The following RBMS3 variants were observed in gnomAD, a reference collection of about 807,000 sequenced individuals.
The protein encoded by RBMS3 is RNA-binding motif, single-stranded-interacting protein 3.
RBMS3 carries 27 observed loss-of-function variants against 66.8 expected under a neutral mutation model. The ratio of observed to expected loss-of-function variants is 0.40; its 90% confidence interval spans 0.30 to 0.56. The LOEUF (loss-of-function observed/expected upper bound fraction) is 0.56, where lower values mean the gene tolerates loss of function less well. RBMS3 is among the 20% of genes least tolerant of loss of function. The pLI is 0.40. For missense variants in RBMS3, 513 were observed against 549.5 expected (o/e 0.93, Z 0.66); for synonymous variants, 188 against 183.0 (o/e 1.03, Z -0.22).
chr3:29,429,671 G>A (rs968263937), intron 1 of RBMS3, among the ~76,000 whole-genome samples: 1 of 152,146 alleles, frequency 6.6e-6, no homozygotes, highest in Non-Finnish European at 1.5e-5. Flanking sequence ...ACCCCAGACC[G>A]TAAGTACTCT....
In RBMS3 at chr3:29,684,633, T is replaced by A. The variant is rs561142321; in HGVS notation, c.400-55087T>A. On this transcript the variant is annotated intron_variant, in intron 4 of 14. Coordinates refer to ENST00000383767, the MANE Select transcript of RBMS3 (RefSeq NM_001003793.3). ...TAGATAGACATAAAAATTTTCCTTA[T>A]AAGTCCTTGGATATAATTTTACTTT... 3.9e-5 allele frequency among the ~76,000 whole-genome samples: 6 copies of A among 152,340 alleles called. No individual in the cohort carries two copies. The South Asian group carries it at 8.3e-4, about 21-fold the overall frequency.
intron 6 of RBMS3, among the ~76,000 whole-genome samples, chr3:29,866,429 C>A (rs746214673): frequency 6.6e-6 from 1 of 152,136 alleles, no homozygotes; most frequent in African/African-American, 2.4e-5. Context: ...AAATTGGAAC[C>A]AGTTTCTTTA....
intron 10 of RBMS3, among the ~76,000 whole-genome samples, chr3:29,925,468 A>G (rs1256180364): frequency 6.6e-6 from 1 of 152,184 alleles, no homozygotes; most frequent in Non-Finnish European, 1.5e-5. Flanking sequence ...TTATGGGTAA[A>G]GGCAGAAATC....
At position 29,716,658 on chromosome 3, in the gene RBMS3, C is replaced by T. The variant is rs546146202; in HGVS notation, c.400-23062C>T. ...CTTGTTATATATAAGTACAGTAAAA[C>T]GAAACCTTCCCCTTGTGTAGGATAC... On this transcript the variant is annotated intron_variant, in intron 4 of 14. Coordinates refer to ENST00000383767, the MANE Select transcript of RBMS3 (RefSeq NM_001003793.3). Among the ~76,000 whole-genome samples, 200 of 152,196 alleles carry T rather than the reference C, an allele frequency of 1.3e-3. 1 individual carries two copies. Among genetic ancestry groups the T allele is most frequent in the Non-Finnish European group, 2.2e-4 (15 of 67,998 alleles).
intron 1 of RBMS3, among the ~76,000 whole-genome samples, chr3:29,304,632 G>C (rs546586440): frequency 6.6e-6 from 1 of 151,894 alleles, no homozygotes; most frequent in African/African-American, 2.4e-5. Context: ...CAGCAATACC[G>C]CAGCACTCTC....
chr3:29,378,700 C>A (rs897026373), intron 1 of RBMS3, among the ~76,000 whole-genome samples: 1 of 152,060 alleles, frequency 6.6e-6, no homozygotes. Flanking sequence ...TATACATTTT[C>A]TCCTGATATA....
intron 6 of RBMS3, among the ~76,000 whole-genome samples, chr3:29,805,292 A>G (rs1215431030): frequency 6.6e-6 from 1 of 152,202 alleles, no homozygotes; most frequent in East Asian, 1.9e-4. Context: ...AAGTATAGCA[A>G]TACAATTATG....
chr3:29,704,683 T>A (rs1237557485), intron 4 of RBMS3, among the ~76,000 whole-genome samples: 1 of 152,236 alleles, frequency 6.6e-6, no homozygotes, highest in Non-Finnish European at 1.5e-5. Flanking sequence ...TGCAGTTGCA[T>A]TATCATTATT....
At chr3:29,769,207 G>A (rs919719276) in intron 6 of RBMS3, among the ~76,000 whole-genome samples, 4 of 151,756 alleles carry the variant, frequency 2.6e-5, no homozygotes, top group Non-Finnish European at 5.9e-5. Flanking sequence ...AGAAGGACAA[G>A]AAAAAGACAA....
chr3:29,535,710 CTTTTTTTTTTTTTTTTTT>C (rs149022808), intron 3 of RBMS3, among the ~76,000 whole-genome samples: 53 of 39,748 alleles, frequency 1.3e-3, no homozygotes, highest in East Asian at 8.1e-3. Context: ...GATCATTGCT[CTTTTTTTTTTTTTTTTTT>C]TTTTTTTTTT....
At chr3:29,941,015 C>T (rs1055061077) in intron 11 of RBMS3, among the ~76,000 whole-genome samples, 1 of 151,828 alleles carries the variant, frequency 6.6e-6, no homozygotes, top group African/African-American at 2.4e-5. Flanking sequence ...TTTCTTATCT[C>T]CTTTTCATTT....
intron 2 of RBMS3, among the ~76,000 whole-genome samples, chr3:29,447,708 A>G (rs1464871746): frequency 1.3e-5 from 2 of 152,188 alleles, no homozygotes; most frequent in Non-Finnish European, 2.9e-5. Flanking sequence ...TTTGCTCCCA[A>G]TTTGAAAATT....
intron 1 of RBMS3, among the ~76,000 whole-genome samples, chr3:29,397,926 A>G (rs186230837): frequency 2.6e-5 from 4 of 152,304 alleles, no homozygotes; most frequent in Admixed American, 2.6e-4. Flanking sequence ...CCCATCAGTG[A>G]CAGAATAAAT....
intron 1 of RBMS3, among the ~76,000 whole-genome samples, chr3:29,330,842 C>T (rs901652451): frequency 3.9e-5 from 6 of 152,074 alleles, no homozygotes; most frequent in African/African-American, 1.4e-4. Flanking sequence ...CGTTGTCAGT[C>T]CATAGAAAAT....
chr3:29,414,553 A>G (rs907535378), intron 1 of RBMS3, among the ~76,000 whole-genome samples: 1 of 152,186 alleles, frequency 6.6e-6, no homozygotes, highest in African/African-American at 2.4e-5. Context: ...TTCATTCATT[A>G]GTTCTGACAA....
At chr3:29,466,942 T>C (rs1280623639) in intron 2 of RBMS3, among the ~76,000 whole-genome samples, 2 of 152,224 alleles carry the variant, frequency 1.3e-5, no homozygotes, top group African/African-American at 4.8e-5. Flanking sequence ...CCTAAGTCTT[T>C]ATGCACATAA....
intron 3 of RBMS3, among the ~76,000 whole-genome samples, chr3:29,536,716 G>T (rs1338357334): frequency 6.6e-6 from 1 of 152,180 alleles, no homozygotes; most frequent in East Asian, 1.9e-4. Flanking sequence ...TTCCAGGCAG[G>T]CCAATTAATT....
At chr3:29,397,957 GCAAGTATTCAAA>G (rs1276999911) in intron 1 of RBMS3, among the ~76,000 whole-genome samples, 11 of 152,252 alleles carry the variant, frequency 7.2e-5, no homozygotes, top group Non-Finnish European at 2.9e-5. Context: ...TCCATGATGA[GCAAGTATTCAAA>G]CTATGATAAG....
intron 3 of RBMS3, among the ~76,000 whole-genome samples, chr3:29,544,182 G>A (rs940175149): frequency 2.0e-5 from 3 of 152,126 alleles, no homozygotes; most frequent in Middle Eastern, 3.4e-3. Context: ...AAAGACAAAA[G>A]GTTAAAGATT....
Sources: gnomAD v4.1 joint callset for allele counts (sites outside exome capture counted in the v4.1 genomes callset) on GRCh38, gnomAD v4.1.1 for gene constraint, MANE v1.5 for transcripts, NCBI Gene and HGNC (gene_info 2026-07-23, HGNC 2026-07-21) for gene names.